SH3TC1: variants seen among roughly 807,000 people sequenced by gnomAD.
SH3TC1 encodes SH3 domain and tetratricopeptide repeat-containing protein 1.
A neutral mutation model predicts 117.3 loss-of-function variants in SH3TC1; 135 were observed. That is an observed-to-expected ratio of 1.15 (90% CI 1.00 to 1.33). SH3TC1 has a LOEUF of 1.33. SH3TC1 is among the 40% of genes most tolerant of loss of function. SH3TC1 has a pLI of 0.00. For missense variants in SH3TC1, 2,092 were observed against 1,794.3 expected, an observed-to-expected ratio of 1.17 and a Z score of -3.00; for synonymous variants, 898 against 816.9, an observed-to-expected ratio of 1.10 and a Z score of -1.69.
chr4:8,185,288 A>G (rs1717188122), intron 1 of SH3TC1, among the ~76,000 whole-genome samples: 1 of 152,028 alleles, frequency 6.6e-6, no homozygotes. Context: ...GGGAGCCGAG[A>G]TTGAGCAGTT....
intron 2 of SH3TC1, among the ~76,000 whole-genome samples, chr4:8,207,400 T>C (rs1432427877): frequency 6.6e-6 from 1 of 152,214 alleles, no homozygotes; most frequent in Non-Finnish European, 1.5e-5. Flanking sequence ...CCTCTGCAGT[T>C]AGTAAGTAGC....
intron 15 of SH3TC1, 149 bp downstream of exon 15, chr4:8,235,704 T>C (rs1339086275): frequency 8.7e-7 from 1 of 1,146,660 alleles, no homozygotes; most frequent in East Asian, 2.6e-5. Flanking sequence ...CCGGGAATGA[T>C]ATTGACTGTG....
chr4:8,189,097 G>C (rs1204912880), intron 1 of SH3TC1, among the ~76,000 whole-genome samples: 3 of 152,386 alleles, frequency 2.0e-5, no homozygotes, highest in Non-Finnish European at 2.9e-5. Context: ...CCCCTTCTGC[G>C]TGTCTGGCAG....
chr4:8,230,460 A>G (rs989928256), intron 12 of SH3TC1, among the ~76,000 whole-genome samples: 4 of 152,046 alleles, frequency 2.6e-5, no homozygotes, highest in Admixed American at 6.5e-5. Context: ...TTTGTGTCCC[A>G]TCTTTCTTTT....
chr4:8,219,291 C>T (rs1010971584), intron 8 of SH3TC1, 44 bp from the exon 9 acceptor site: 3 of 1,505,680 alleles, frequency 2.0e-6, no homozygotes, highest in Non-Finnish European at 2.7e-6. Context: ...GCTCTGGCCC[C>T]CATTTGGTCT....
In SH3TC1 at chr4:8,227,963, C is replaced by A. The variant is rs750274924; in HGVS notation, c.2269C>A (p.Gln757Lys). ...GAACCTGGTGCTCCAGAACGCCCCCCAGCCCCACAGCCTCCCTGCCCAAAC... is the reference window on the plus strand; with the variant it reads ...GAACCTGGTGCTCCAGAACGCCCCCAAGCCCCACAGCCTCCCTGCCCAAAC... Reference protein sequence around the residue: ...SVNLVLQNAPQPHSLPAQTSH... With the variant: ...SVNLVLQNAPKPHSLPAQTSH... The change falls in exon 12 of 18, where the codon CAG becomes AAG. Residue 757 changes from glutamine to lysine, a missense_variant. Transcript: ENST00000245105. 6.2e-6 allele frequency: 10 copies of A among 1,612,436 alleles called. No homozygotes were observed. In the South Asian group the frequency reaches 1.1e-4, roughly 18 times the overall value.
intron 2 of SH3TC1, among the ~76,000 whole-genome samples, chr4:8,208,033 T>C (rs1032259472): frequency 1.3e-5 from 2 of 152,252 alleles, no homozygotes; most frequent in African/African-American, 4.8e-5. Context: ...ACAGGACCCC[T>C]GTGAAAAGCA....
chr4:8,235,571 G>C lies in SH3TC1; in HGVS notation c.3405+16G>C, dbSNP rs1395051325. On this transcript the variant is annotated intron_variant, in intron 15 of 17. Coordinates refer to ENST00000245105, the MANE Select transcript of SH3TC1 (RefSeq NM_018986.5). ...CTTCTACCGGGTGAGCTGGCCTGTG[G>C]GCTGATGTGGGTGGGCCCCAGGGGG... 2 of 1,579,318 alleles carry C rather than the reference G, an allele frequency of 1.3e-6. No individual in the cohort carries two copies. The highest frequency in any genetic ancestry group is 1.7e-6 in the Non-Finnish European group (2 of 1,160,562).
At chr4:8,237,786 T>C (rs1721959827) in intron 17 of SH3TC1, 116 bp downstream of exon 17, 7 of 1,159,568 alleles carry the variant, frequency 6.0e-6, no homozygotes, top group Non-Finnish European at 8.2e-6. Flanking sequence ...GTGGCCTCCC[T>C]GGAGCGCTGC....
chr4:8,218,893 T>C (rs1477389058), intron 8 of SH3TC1, among the ~76,000 whole-genome samples: 1 of 152,050 alleles, frequency 6.6e-6, no homozygotes, highest in Non-Finnish European at 1.5e-5. Flanking sequence ...GGTGTCTGGA[T>C]GGCCTGTGCA....
At position 8,212,772 on chromosome 4, in the gene SH3TC1, CG is replaced by C. The variant is rs1561687775; in HGVS notation, c.323del (p.Gly108AlafsTer36). ...GGACCCCGGCCTACAGCAGACCCTCCGGGGCCAGCTCCGCCTGCTGGAGAAT... is the reference window on the plus strand; with the variant it reads ...GGACCCCGGCCTACAGCAGACCCTCCGGGCCAGCTCCGCCTGCTGGAGAAT... ...LRDPGLQQTL[R>X]GQLRLLENDS... On this transcript the variant is annotated frameshift_variant, in exon 4 of 18. Coordinates refer to ENST00000245105, the MANE Select transcript of SH3TC1 (RefSeq NM_018986.5). LOFTEE classifies it high-confidence loss of function. 1.9e-6 allele frequency: 3 copies of C among 1,611,612 alleles called. No homozygotes were observed. Among genetic ancestry groups the C allele is most frequent in the Non-Finnish European group, 2.5e-6 (3 of 1,179,446 alleles).
At chr4:8,194,385 G>A (rs1016306248), upstream of SH3TC1, among the ~76,000 whole-genome samples, 14 of 151,866 alleles carry the variant, frequency 9.2e-5, no homozygotes, top group African/African-American at 3.1e-4. Flanking sequence ...TCGTGGCCAT[G>A]CCTGCCGCTT....
At position 8,235,610 on chromosome 4, in the gene SH3TC1, C is replaced by T. The variant is rs927376811; in HGVS notation, c.3405+55C>T. The T allele has an allele frequency of 6.6e-6, 10 of 1,505,426 alleles. No individual in the cohort carries two copies. In the South Asian group the frequency reaches 1.2e-4, roughly 18 times the overall value. The allele number at this position is 1,505,426 out of a possible 1,614,324, so 93.3% of individuals were successfully genotyped here. On this transcript the variant is annotated intron_variant, in intron 15 of 17. Transcript: ENST00000245105. The stretch of plus-strand genomic sequence containing the variant: ...GGCCCCAGGGGGGGCACCTTGAGGG[C>T]TGAGGCACAGGTGTGGCAGGGCAGA...
chr4:8,230,387 C>T (rs1457115674), intron 12 of SH3TC1, among the ~76,000 whole-genome samples: 2 of 152,132 alleles, frequency 1.3e-5, no homozygotes, highest in East Asian at 1.9e-4. Context: ...CCTCCCACCT[C>T]GGCCTCACAA....
At chr4:8,200,765 G>A (rs912574714) in intron 1 of SH3TC1, among the ~76,000 whole-genome samples, 3 of 152,222 alleles carry the variant, frequency 2.0e-5, no homozygotes, top group East Asian at 1.9e-4. Context: ...GCTACTGGGC[G>A]GCTCCTCCCT....
At chr4:8,188,566 G>A (rs1270514658) in intron 1 of SH3TC1, among the ~76,000 whole-genome samples, 1 of 152,254 alleles carries the variant, frequency 6.6e-6, no homozygotes, top group Non-Finnish European at 1.5e-5. Context: ...TGGGCCAGTG[G>A]GGGAGTTTCC....
chr4:8,224,655 C>CG, intron 10 of SH3TC1: 1 of 154,442 alleles, frequency 6.5e-6, no homozygotes, highest in Non-Finnish European at 1.4e-5. Flanking sequence ...AGCCACTTTA[C>CG]GGGGGTGAAA....
At chr4:8,216,317 G>C (rs974313847) in intron 6 of SH3TC1, 60 bp downstream of exon 6, 2 of 1,573,462 alleles carry the variant, frequency 1.3e-6, no homozygotes, top group Non-Finnish European at 1.7e-6. Context: ...CCGGGCCATG[G>C]GGTGACAGCC....
At chr4:8,187,767 C>T (rs10033208) in intron 1 of SH3TC1, among the ~76,000 whole-genome samples, 1 of 152,022 alleles carries the variant, frequency 6.6e-6, no homozygotes, top group Non-Finnish European at 1.5e-5. Flanking sequence ...GGCCAGGCTG[C>T]TCTTGAACTC....
Sources: allele counts gnomAD v4.1 joint callset (sites outside exome capture counted in the v4.1 genomes callset), GRCh38; gene constraint gnomAD v4.1.1; transcripts MANE v1.5; gene names NCBI Gene and HGNC (gene_info 2026-07-23, HGNC 2026-07-21).